The following G2E3 variants were observed in gnomAD, a reference collection of about 807,000 sequenced individuals.
The protein encoded by G2E3 is G2/M-phase specific E3 ubiquitin protein ligase.
In G2E3, 35 loss-of-function variants were observed where a neutral mutation model predicts 92.8. The ratio of observed to expected loss-of-function variants is 0.38; its 90% CI spans 0.29 to 0.50. The LOEUF (loss-of-function observed/expected upper bound fraction) is 0.50, where lower values mean the gene tolerates loss of function less well. Among genes scored for constraint, G2E3 ranks in the 20% least tolerant of loss-of-function variants. The pLI, the probability that G2E3 is intolerant of heterozygous loss-of-function variation, is 0.94. For missense variants in G2E3, 554 were observed against 823.8 expected (o/e 0.67, Z 4.01); for synonymous variants, 242 against 272.4 (o/e 0.89, Z 1.10).
At chr14:30,570,561 C>T (rs1008794604) in intron 1 of G2E3, among the ~76,000 whole-genome samples, 1 of 152,020 alleles carries the variant, frequency 6.6e-6, no homozygotes, top group African/African-American at 2.4e-5. Flanking sequence ...TGGATAATTT[C>T]AACTAACCTG....
intron 1 of G2E3, among the ~76,000 whole-genome samples, chr14:30,570,129 T>G (rs1360538651): frequency 6.6e-6 from 1 of 152,216 alleles, no homozygotes; most frequent in Non-Finnish European, 1.5e-5. Context: ...TTTCAGCACT[T>G]TAAATATGTC....
intron 1 of G2E3, among the ~76,000 whole-genome samples, chr14:30,572,664 T>C (rs1168619629): frequency 1.3e-5 from 2 of 152,178 alleles, no homozygotes; most frequent in Admixed American, 1.3e-4. Flanking sequence ...TACTTTACTT[T>C]TCAGATGATA....
At chr14:30,585,939 A>G (rs1208267945) in intron 2 of G2E3, among the ~76,000 whole-genome samples, 1 of 152,202 alleles carries the variant, frequency 6.6e-6, no homozygotes, top group Non-Finnish European at 1.5e-5. Context: ...GTTATTATGC[A>G]GAAGGTTTTC....
chr14:30,568,780 T>C (rs569891509), intron 1 of G2E3, among the ~76,000 whole-genome samples: 10 of 152,338 alleles, frequency 6.6e-5, no homozygotes, highest in Non-Finnish European at 2.9e-5. Context: ...CATTGATTTA[T>C]ATTTATTTTA....
At position 30,581,082 on chromosome 14, in the gene G2E3, G is replaced by GAATGA; in HGVS notation, c.6_10dup (p.Ser4MetfsTer45). Reference sequence around the variant, plus strand: ...TTAATGTTATTTTTCCTAGTAAAATGAATGAAAGTAAACCTGGTGACTCAC... The same window carrying GAATGA: ...TTAATGTTATTTTTCCTAGTAAAATGAATGAAATGAAAGTAAACCTGGTGACTCAC... On this transcript the variant is annotated frameshift_variant, in exon 2 of 15. Coordinates refer to ENST00000206595, the MANE Select transcript of G2E3 (RefSeq NM_017769.5). LOFTEE classifies it high-confidence loss of function. The GAATGA allele has an allele frequency of 6.8e-7, 1 of 1,469,180 alleles. No individual in the cohort carries two copies. The highest frequency in any genetic ancestry group is 9.5e-7 in the Non-Finnish European group (1 of 1,050,612). The allele number at this position is 1,469,180 out of a possible 1,614,324, so 91.0% of individuals were successfully genotyped here. A position where few individuals can be genotyped will look rare whatever the true frequency, so the allele number is the denominator to read the frequency against.
rs1486422900 is a variant in G2E3, at chr14:30,605,953, G to A, written c.1318+141G>A. 1.3e-5 allele frequency: 6 copies of A among 456,474 alleles called. No individual in the cohort carries two copies. The South Asian group carries it at 2.1e-4, about 16-fold the overall frequency. The allele number at this position is 456,474 out of a possible 1,614,324, so 28.3% of individuals were successfully genotyped here. ...TTAATAAACTACTGATAGAATCACA[G>A]GAAAGTGGGAAGGGGGAGTGATAGT... On this transcript the variant is annotated intron_variant, in intron 11 of 14. Transcript: ENST00000206595.
intron 1 of G2E3, among the ~76,000 whole-genome samples, chr14:30,566,140 A>G (rs1594459793): frequency 1.3e-5 from 2 of 152,172 alleles, no homozygotes; most frequent in East Asian, 3.8e-4. Flanking sequence ...TTGTGCCAGT[A>G]CCACATTGTC....
intron 2 of G2E3, among the ~76,000 whole-genome samples, chr14:30,586,190 A>G: frequency 6.6e-6 from 1 of 152,176 alleles, no homozygotes; most frequent in Admixed American, 6.5e-5. Context: ...GGTCAAAACA[A>G]TCACATTTTT....
chr14:30,581,295 G>T (rs1334695752), intron 2 of G2E3, among the ~76,000 whole-genome samples, 179 bp downstream of exon 2: 1 of 151,996 alleles, frequency 6.6e-6, no homozygotes, highest in South Asian at 2.1e-4. Flanking sequence ...CAATTTATTT[G>T]CCAAATTTTA....
intron 13 of G2E3, among the ~76,000 whole-genome samples, chr14:30,613,678 A>G (rs1043770463): frequency 2.7e-4 from 41 of 151,756 alleles, no homozygotes; most frequent in African/African-American, 8.5e-4. Flanking sequence ...AGGGTTTTTA[A>G]ATCTATTTTA....
chr14:30,593,710 TAGAA>T (rs895449177), intron 6 of G2E3, 71 bp downstream of exon 6: 22 of 1,105,518 alleles, frequency 2.0e-5, no homozygotes, highest in African/African-American at 1.1e-4. Flanking sequence ...AATTTTAAAT[TAGAA>T]AGAATTGACG....
intron 12 of G2E3, among the ~76,000 whole-genome samples, chr14:30,610,367 A>G (rs984224973): frequency 6.6e-6 from 1 of 152,180 alleles, no homozygotes. Context: ...TGTAATCCCA[A>G]CACTTTGGGA....
intron 13 of G2E3, among the ~76,000 whole-genome samples, chr14:30,612,775 T>G (rs1882153709): frequency 6.6e-6 from 1 of 152,136 alleles, no homozygotes; most frequent in Admixed American, 6.5e-5. Flanking sequence ...GAGAATTGCT[T>G]GAACCCAAGA....
chr14:30,612,575 C>A (rs1232176585), intron 13 of G2E3, among the ~76,000 whole-genome samples, 196 bp downstream of exon 13: 1 of 151,978 alleles, frequency 6.6e-6, no homozygotes, highest in Non-Finnish European at 1.5e-5. Flanking sequence ...TTGTGTAGGT[C>A]GGGCATGGTG....
Position 30,572,346 on chromosome 14 carries a change from G to A in G2E3, c.-4-8730G>A, listed in dbSNP as rs183234044. Reference sequence around the variant, plus strand: ...TGTTGAATCAGAGACTAAGGTGAACGTTTGTAGATTCCCTTCGCTAGGTTG... The same window carrying A: ...TGTTGAATCAGAGACTAAGGTGAACATTTGTAGATTCCCTTCGCTAGGTTG... On this transcript the variant is annotated intron_variant, in intron 1 of 14. Coordinates refer to ENST00000206595, the MANE Select transcript of G2E3 (RefSeq NM_017769.5). Among the ~76,000 whole-genome samples, 706 of 152,190 alleles carry A rather than the reference G, an allele frequency of 4.6e-3. 8 individuals carry two copies. Among genetic ancestry groups the A allele is most frequent in the Non-Finnish European group, 8.2e-3 (559 of 67,986 alleles).
At chr14:30,612,779 C>T (rs1051499657) in intron 13 of G2E3, among the ~76,000 whole-genome samples, 1 of 152,110 alleles carries the variant, frequency 6.6e-6, no homozygotes, top group African/African-American at 2.4e-5. Flanking sequence ...ATTGCTTGAA[C>T]CCAAGAGGCG....
intron 14 of G2E3, among the ~76,000 whole-genome samples, chr14:30,615,976 AG>A: frequency 6.6e-6 from 1 of 152,290 alleles, no homozygotes; most frequent in African/African-American, 2.4e-5. Flanking sequence ...TTTAACTTAT[AG>A]TTGAAATTTT....
rs2138933600 is a variant in G2E3 at position 30,619,440 on chromosome 14, C to A, written c.*2906C>A. On this transcript the variant is annotated 3_prime_UTR_variant, in exon 15 of 15. Coordinates refer to ENST00000206595, the MANE Select transcript of G2E3 (RefSeq NM_017769.5). ...ATCATTACATTATAAACATGTAATTCTTTTATATAGTGATTATCATGTACT... is the reference window on the plus strand; with the variant it reads ...ATCATTACATTATAAACATGTAATTATTTTATATAGTGATTATCATGTACT... 1 of 152,106 alleles carries A rather than the reference C, an allele frequency of 6.6e-6. No individual in the cohort carries two copies. Among genetic ancestry groups the A allele is most frequent in the Admixed American group, 6.5e-5 (1 of 15,272 alleles). 9.4% of individuals were successfully genotyped at this position (152,106 alleles called of 1,614,324 possible). A position where few individuals can be genotyped will look rare whatever the true frequency, so the allele number is the denominator to read the frequency against.
intron 2 of G2E3, among the ~76,000 whole-genome samples, chr14:30,585,232 G>A (rs1342656053): frequency 6.6e-6 from 1 of 152,052 alleles, no homozygotes; most frequent in African/African-American, 2.4e-5. Flanking sequence ...TGTGAACTCT[G>A]AGAAGCCATT....
Sources: allele counts gnomAD v4.1 joint callset (sites outside exome capture counted in the v4.1 genomes callset), GRCh38; gene constraint gnomAD v4.1.1; transcripts MANE v1.5; gene names NCBI Gene and HGNC (gene_info 2026-07-23, HGNC 2026-07-21).